The following ITGB6 variants were observed in gnomAD, a reference collection of about 807,000 sequenced individuals.
ITGB6 encodes integrin subunit beta 6.
A neutral mutation model predicts 84.5 loss-of-function variants in ITGB6; 80 were observed. That is an observed-to-expected ratio of 0.95 (90% confidence interval 0.79 to 1.14). The LOEUF (loss-of-function observed/expected upper bound fraction) is 1.14. Ranked by LOEUF, ITGB6 falls within the 50% of genes most tolerant of loss-of-function variation. ITGB6 has a pLI of 0.00. For synonymous variants in ITGB6, 383 were observed against 354.9 expected (o/e 1.08, Z -0.89); for missense variants, 1,006 against 968.0 (o/e 1.04, Z -0.52).
Position 160,101,506 on chromosome 2 carries a change from G to A in ITGB6, c.*230C>T. On this transcript the variant is annotated 3_prime_UTR_variant, in exon 15 of 15. Coordinates refer to ENST00000283249, the MANE Select transcript of ITGB6 (RefSeq NM_000888.5). ...TTGAAGCATTAATGCAACAGAGTTA[G>A]TATTCCTCAAATGATCCCCAAAGTC... is the stretch of plus-strand genomic sequence containing the variant. 2.2e-6 allele frequency: 1 copy of A among 464,600 alleles called. No homozygotes were observed. Among genetic ancestry groups the A allele is most frequent in the Non-Finnish European group, 3.8e-6 (1 of 264,360 alleles). The allele number at this position is 464,600 out of a possible 1,614,324, so 28.8% of individuals were successfully genotyped here.
At chr2:160,130,870 T>C (rs1226395727) in intron 10 of ITGB6, among the ~76,000 whole-genome samples, 1 of 152,214 alleles carries the variant, frequency 6.6e-6, no homozygotes, top group Non-Finnish European at 1.5e-5. Context: ...AGTATATTAT[T>C]GCATGTAGGA....
intron 7 of ITGB6, among the ~76,000 whole-genome samples, chr2:160,149,071 T>A (rs922584285): frequency 6.6e-6 from 1 of 152,236 alleles, no homozygotes; most frequent in Non-Finnish European, 1.5e-5. Context: ...AACGTCCCTG[T>A]CTGACAGCTC....
chr2:160,174,828 C>T (rs1174812238), intron 4 of ITGB6, among the ~76,000 whole-genome samples: 1 of 152,196 alleles, frequency 6.6e-6, no homozygotes, highest in East Asian at 1.9e-4. Context: ...GCAAGTTACT[C>T]AACACTTCTG....
rs550714530 is a variant in ITGB6 at position 160,112,168 on chromosome 2, A to G, written c.2013T>C (p.Ser671=). 1.4e-5 allele frequency: 23 copies of G among 1,612,548 alleles called. No homozygotes were observed. The highest frequency in any genetic ancestry group is 6.7e-5 in the Admixed American group (4 of 59,930). The change falls in exon 13 of 15, where the codon TCT becomes TCC. Residue 671 remains serine (S), a synonymous_variant. Coordinates refer to ENST00000283249, the MANE Select transcript of ITGB6 (RefSeq NM_000888.5). ...DFSKDGSVSC[S]LQGENECLIT... ...TAAGACATTCATTTTCTCCTTGCAGAGAGCAGGAAACAGAACCATCCTTTG... is the reference window on the plus strand; with the variant it reads ...TAAGACATTCATTTTCTCCTTGCAGGGAGCAGGAAACAGAACCATCCTTTG...
At chr2:160,135,587 C>T (rs1683676429) in intron 10 of ITGB6, among the ~76,000 whole-genome samples, 1 of 151,740 alleles carries the variant, frequency 6.6e-6, no homozygotes. Flanking sequence ...AAAGAGCCCA[C>T]ATTGCCAAGT....
chr2:160,131,904 C>T (rs768305898), intron 10 of ITGB6, among the ~76,000 whole-genome samples: 4 of 151,968 alleles, frequency 2.6e-5, no homozygotes, highest in East Asian at 3.8e-4. Flanking sequence ...AAAAATAAAG[C>T]GAAAGACCAT....
chr2:160,178,483 T>C (rs1366158184), intron 4 of ITGB6, among the ~76,000 whole-genome samples: 1 of 152,224 alleles, frequency 6.6e-6, no homozygotes, highest in Admixed American at 6.5e-5. Context: ...AATTATCCGC[T>C]ATGTAGATTT....
intron 11 of ITGB6, 35 bp downstream of exon 11, chr2:160,126,344 T>C (rs374017214): frequency 6.3e-7 from 1 of 1,583,924 alleles, no homozygotes; most frequent in Non-Finnish European, 8.7e-7. Context: ...TATAAACCTA[T>C]CCACATAAGG....
intron 7 of ITGB6, among the ~76,000 whole-genome samples, chr2:160,150,818 A>C (rs775870450): frequency 2.0e-5 from 3 of 152,078 alleles, no homozygotes; most frequent in Non-Finnish European, 4.4e-5. Context: ...GTTTCTGATA[A>C]AACAGACTTT....
intron 12 of ITGB6, among the ~76,000 whole-genome samples, chr2:160,120,311 T>C (rs62177902): frequency 0.54 from 54,357 of 100,908 alleles, 12,826 homozygotes; most frequent in Admixed American, 0.58. Flanking sequence ...ATGTGGCACA[T>C]ATACACCATG....
chr2:160,116,855 G>T (rs1314561592), intron 12 of ITGB6, among the ~76,000 whole-genome samples: 1 of 151,250 alleles, frequency 6.6e-6, no homozygotes, highest in Non-Finnish European at 1.5e-5. Context: ...AAAGGCAGGG[G>T]TTGCAATCCT....
intron 7 of ITGB6, among the ~76,000 whole-genome samples, chr2:160,156,218 G>A (rs1449346116): frequency 6.6e-6 from 1 of 152,204 alleles, no homozygotes; most frequent in Non-Finnish European, 1.5e-5. Flanking sequence ...TTGACCACAA[G>A]GAGTCATCAG....
chr2:160,171,857 G>A (rs1301662499), intron 6 of ITGB6, among the ~76,000 whole-genome samples: 1 of 152,146 alleles, frequency 6.6e-6, no homozygotes, highest in African/African-American at 2.4e-5. Context: ...GCTCTCTGGG[G>A]GCAGTAATGA....
At chr2:160,128,298 A>G (rs1683317706) in intron 10 of ITGB6, among the ~76,000 whole-genome samples, 1 of 150,578 alleles carries the variant, frequency 6.6e-6, no homozygotes, top group Non-Finnish European at 1.5e-5. Context: ...GGTTCTATGC[A>G]TTTCAGGAAT....
intron 10 of ITGB6, among the ~76,000 whole-genome samples, chr2:160,129,640 T>A (rs1574062943): frequency 6.6e-6 from 1 of 152,150 alleles, no homozygotes; most frequent in Non-Finnish European, 1.5e-5. Flanking sequence ...ACAAAGTAGA[T>A]GTAGAAAAAA....
chr2:160,180,342 T>G (rs1037508508), intron 4 of ITGB6, among the ~76,000 whole-genome samples: 14 of 152,184 alleles, frequency 9.2e-5, no homozygotes, highest in African/African-American at 2.9e-4. Context: ...CCTTGGACAC[T>G]CTCTATGTTG....
At chr2:160,132,362 T>C (rs1683503831) in intron 10 of ITGB6, among the ~76,000 whole-genome samples, 2 of 152,158 alleles carry the variant, frequency 1.3e-5, no homozygotes, top group South Asian at 4.1e-4. Flanking sequence ...GAAGAACTTA[T>C]TGGCTGCAAC....
At chr2:160,146,531 T>C (rs1304375242) in intron 7 of ITGB6, among the ~76,000 whole-genome samples, 3 of 152,234 alleles carry the variant, frequency 2.0e-5, no homozygotes, top group African/African-American at 7.2e-5. Context: ...TAGTAAATAC[T>C]AAAAGATTGG....
intron 7 of ITGB6, among the ~76,000 whole-genome samples, chr2:160,168,929 C>T (rs919677028): frequency 1.3e-5 from 2 of 152,158 alleles, no homozygotes; most frequent in Non-Finnish European, 2.9e-5. Flanking sequence ...TTTAGGTAGG[C>T]TGTCCTATAT....
Sources: gnomAD v4.1 joint callset for allele counts (sites outside exome capture counted in the v4.1 genomes callset) on GRCh38, gnomAD v4.1.1 for gene constraint, MANE v1.5 for transcripts, NCBI Gene and HGNC (gene_info 2026-07-23, HGNC 2026-07-21) for gene names.